THOC2: variants seen among roughly 807,000 people sequenced by gnomAD.
THOC2 encodes the protein THO complex 2.
A neutral mutation model predicts 128.4 loss-of-function variants in THOC2; 10 were observed. The observed-to-expected ratio is 0.08, with a 90% CI of 0.05 to 0.13. The LOEUF (loss-of-function observed/expected upper bound fraction) is 0.13. Ranked by LOEUF, THOC2 falls within the 10% of genes least tolerant of loss-of-function variation. The probability of loss-of-function intolerance (pLI) is 1.00; values close to 1 mark genes in which losing one functional copy is unlikely to be tolerated. For synonymous variants in THOC2, 393 were observed against 396.9 expected, an observed-to-expected ratio of 0.99 and a Z score of 0.12; for missense variants, 535 against 1,155.7, an observed-to-expected ratio of 0.46 and a Z score of 7.79.
At chrX:123,693,942 C>T (rs1203377782) in intron 7 of THOC2, among the ~76,000 whole-genome samples, 1 of 111,086 alleles carries the variant, frequency 9.0e-6, no homozygotes, top group Non-Finnish European at 1.9e-5. Context: ...CATGAGCTTG[C>T]AGTTGTGCCT....
At chrX:123,684,926 A>G (rs988865284) in intron 8 of THOC2, among the ~76,000 whole-genome samples, 2 of 112,306 alleles carry the variant, frequency 1.8e-5, no homozygotes, top group Non-Finnish European at 3.8e-5. Context: ...GAGTATAGAA[A>G]CAGACACTCC....
At chrX:123,624,813 A>G in intron 25 of THOC2, 144 bp from the exon 26 acceptor site, 1 of 458,831 alleles carries the variant, frequency 2.2e-6, no homozygotes, top group Non-Finnish European at 3.2e-6. Flanking sequence ...GACACTGCAG[A>G]GAACTTTGGA....
At chrX:123,711,918 G>A (rs2051205510) in intron 2 of THOC2, among the ~76,000 whole-genome samples, 1 of 89,028 alleles carries the variant, frequency 1.1e-5, no homozygotes, top group African/African-American at 4.4e-5. Flanking sequence ...CACCACCACT[G>A]CATTACAGCC....
chrX:123,681,918 G>A (rs1028271448), intron 8 of THOC2, among the ~76,000 whole-genome samples: 3 of 111,726 alleles, frequency 2.7e-5, no homozygotes, highest in Non-Finnish European at 3.8e-5. Flanking sequence ...AATTAGACAG[G>A]CGTGGTGGCA....
intron 38 of THOC2, among the ~76,000 whole-genome samples, chrX:123,608,561 T>C (rs1046205217): frequency 9.0e-6 from 1 of 110,659 alleles, no homozygotes; most frequent in Non-Finnish European, 1.9e-5. Flanking sequence ...TTGTCTCTAC[T>C]AAAAATACAA....
In THOC2 at chrX:123,634,117, A is replaced by G. The variant is rs188140842; in HGVS notation, c.2019-47T>C. The G allele has an allele frequency of 5.4e-6, 4 of 739,116 alleles. No individual in the cohort carries two copies. The East Asian group carries it at 1.3e-4, about 24-fold the overall frequency. 60.9% of individuals were successfully genotyped at this position (739,116 alleles called of 1,213,427 possible). A position where few individuals can be genotyped will look rare whatever the true frequency, so the allele number is the denominator to read the frequency against. ...ACAGTCTATAGTTAGAACTTCAAAT[A>G]TAAAAGTAACAATGTATTGTAATTA... On this transcript the variant is annotated intron_variant, in intron 19 of 38. Coordinates refer to ENST00000245838, the MANE Select transcript of THOC2 (RefSeq NM_001081550.2).
intron 2 of THOC2, among the ~76,000 whole-genome samples, chrX:123,712,137 G>A (rs1402129561): frequency 9.1e-6 from 1 of 109,507 alleles, no homozygotes; most frequent in African/African-American, 3.3e-5. Context: ...TAGAATATCG[G>A]TTATAAAAAT....
At chrX:123,605,620 G>C (rs2046438519) in intron 38 of THOC2, among the ~76,000 whole-genome samples, 1 of 111,122 alleles carries the variant, frequency 9.0e-6, no homozygotes, top group Non-Finnish European at 1.9e-5. Flanking sequence ...GGCAAAAAAA[G>C]TCAATGTTGC....
Position 123,721,510 on chromosome X carries a change from G to A in THOC2, c.72-8602C>T, listed in dbSNP as rs772368836. Among the ~76,000 whole-genome samples, 17 of 100,631 alleles carry A rather than the reference G, an allele frequency of 1.7e-4. No homozygotes were observed. The South Asian group carries it at 6.3e-3, about 37-fold the overall frequency. The allele number at this position is 100,631 out of a possible 115,157, so 87.4% of individuals were successfully genotyped here. A position where few individuals can be genotyped will look rare whatever the true frequency, so the allele number is the denominator to read the frequency against. On this transcript the variant is annotated intron_variant, in intron 1 of 38. Coordinates refer to ENST00000245838, the MANE Select transcript of THOC2 (RefSeq NM_001081550.2). ...TTTTAAGAACACATCCTTTTGGCTC[G>A]CATGGTGGCTCACGCCTGTAATCCC...
At chrX:123,720,754 G>A (rs1298488094) in intron 1 of THOC2, among the ~76,000 whole-genome samples, 1 of 112,028 alleles carries the variant, frequency 8.9e-6, no homozygotes, top group Non-Finnish European at 1.9e-5. Context: ...AGGAAATCCT[G>A]TCATGTGCTA....
Position 123,621,517 on chromosome X carries a change from G to T in THOC2, c.3856C>A (p.Pro1286Thr). Residue 1286 changes from proline (P) to threonine (T), a missense_variant, in exon 31 of 39, where the codon CCA (proline) becomes ACA (threonine). Pro to Thr is a conservative substitution (Grantham distance 38). Around this residue, in one of 9 missense-constraint regions of THOC2, gnomAD observed 116 missense variants for 180.0 expected, o/e 0.64. Transcript: ENST00000245838. Reference protein sequence around the residue: ...EKEKEKKEKTPATTPEARVLG... With the variant: ...EKEKEKKEKTTATTPEARVLG... The stretch of plus-strand genomic sequence containing the variant: ...ACCCTGGCCTCTGGAGTAGTAGCTG[G>T]AGTCTTTTCTTTTTTCTCTTTTTCT... 8.4e-7 allele frequency: 1 copy of T among 1,186,343 alleles called. No homozygotes were observed. Among genetic ancestry groups the T allele is most frequent in the Non-Finnish European group, 1.1e-6 (1 of 887,792 alleles).
chrX:123,716,885 G>C (rs1279120328), intron 1 of THOC2, among the ~76,000 whole-genome samples: 1 of 108,949 alleles, frequency 9.2e-6, no homozygotes, highest in Non-Finnish European at 1.9e-5. Flanking sequence ...CAGCCTGGGC[G>C]ACAGAGCAAG....
intron 12 of THOC2, among the ~76,000 whole-genome samples, chrX:123,663,222 C>T (rs1424935737): frequency 9.0e-6 from 1 of 111,572 alleles, no homozygotes; most frequent in Non-Finnish European, 1.9e-5. Flanking sequence ...CACTCTGGTA[C>T]GTCTATGTAA....
chrX:123,606,620 GAA>G lies in THOC2; in HGVS notation c.*18+4296_*18+4297del, dbSNP rs1286697995. Among the ~76,000 whole-genome samples, 6 of 111,233 alleles carry G rather than the reference GAA, an allele frequency of 5.4e-5. No individual in the cohort carries two copies. In the East Asian group the frequency reaches 1.7e-3, roughly 31 times the overall value. ...AAAATGAAATGAAATGAAATGAAAT[GAA>G]AAATAAAATAAAGTACATTTAACAT... On this transcript the variant is annotated intron_variant, in intron 38 of 38. Transcript: ENST00000245838.
chrX:123,638,019 C>G, intron 18 of THOC2, 24 bp downstream of exon 18: 1 of 1,111,950 alleles, frequency 9.0e-7, no homozygotes, highest in East Asian at 3.0e-5. Flanking sequence ...GTAATTTCAT[C>G]TTTGGAAAAA....
intron 15 of THOC2, among the ~76,000 whole-genome samples, chrX:123,642,339 C>T (rs1478138580): frequency 9.2e-6 from 1 of 108,209 alleles, no homozygotes; most frequent in African/African-American, 3.4e-5. Context: ...GCAGGATAAT[C>T]GCTTGAACAC....
chrX:123,675,299 C>T (rs1415578403), intron 8 of THOC2, among the ~76,000 whole-genome samples: 1 of 111,419 alleles, frequency 9.0e-6, no homozygotes, highest in Non-Finnish European at 1.9e-5. Context: ...AGACAGCACA[C>T]TCCTGGTTTC....
chrX:123,732,390 CG>C (rs2052306636), intron 1 of THOC2, among the ~76,000 whole-genome samples: 1 of 112,468 alleles, frequency 8.9e-6, no homozygotes, highest in Non-Finnish European at 1.9e-5. Flanking sequence ...GACCGCTCCC[CG>C]GGAGGGCGAG....
intron 12 of THOC2, among the ~76,000 whole-genome samples, chrX:123,663,623 GT>G (rs754845207): frequency 7.7e-4 from 77 of 100,015 alleles, no homozygotes; most frequent in East Asian, 1.6e-3. Flanking sequence ...GTACTATTCT[GT>G]TTTTTTTTTT....
Sources: allele counts gnomAD v4.1 joint callset (sites outside exome capture counted in the v4.1 genomes callset), GRCh38; gene constraint gnomAD v4.1.1; regional missense constraint gnomAD v4.1.1; transcripts MANE v1.5; gene names NCBI Gene and HGNC (gene_info 2026-07-23, HGNC 2026-07-21).